GALNT16: variants seen among roughly 807,000 people sequenced by gnomAD.
GALNT16 encodes polypeptide N-acetylgalactosaminyltransferase 16.
In GALNT16, 40 loss-of-function variants were observed where a neutral mutation model predicts 76.1. The ratio of observed to expected loss-of-function variants is 0.53; its 90% CI spans 0.41 to 0.68. The LOEUF is 0.68. Ranked by LOEUF, GALNT16 falls within the 30% of genes least tolerant of loss-of-function variation. The probability of loss-of-function intolerance (pLI) is 0.00; values close to 1 mark genes in which losing one functional copy is unlikely to be tolerated. For synonymous variants in GALNT16, 276 were observed against 285.2 expected (o/e 0.97, Z 0.32); for missense variants, 621 against 731.9 (o/e 0.85, Z 1.75).
chr14:69,306,156 C>G (rs2044930231), intron 1 of GALNT16, among the ~76,000 whole-genome samples: 1 of 152,194 alleles, frequency 6.6e-6, no homozygotes, highest in African/African-American at 2.4e-5. Context: ...TGTTTGATGA[C>G]TGTAGCTTTG....
chr14:69,338,441 ATG>A (rs1344586297), intron 9 of GALNT16, among the ~76,000 whole-genome samples: 1 of 152,092 alleles, frequency 6.6e-6, no homozygotes, highest in African/African-American at 2.4e-5. Flanking sequence ...TCATGTGTAT[ATG>A]TGTGTGTGTG....
chr14:69,308,971 CT>C (rs2044977180), intron 1 of GALNT16, among the ~76,000 whole-genome samples: 1 of 152,144 alleles, frequency 6.6e-6, no homozygotes, highest in African/African-American at 2.4e-5. Context: ...GACATTATGT[CT>C]CATTTTAGTT....
At chr14:69,282,209 C>T (rs996405649) in intron 1 of GALNT16, among the ~76,000 whole-genome samples, 7 of 152,322 alleles carry the variant, frequency 4.6e-5, no homozygotes, top group African/African-American at 1.2e-4. Context: ...TTCCCTTGCC[C>T]GCTGCCTGTG....
At chr14:69,368,405 C>T in the GALNT16 span, among the ~76,000 whole-genome samples, 13 of 152,176 alleles carry the variant, frequency 8.5e-5, no homozygotes, top group Non-Finnish European at 1.5e-4. Context: ...CATCTCAAGG[C>T]TCAAGCAGGG....
At chr14:69,279,311 ATTAC>A (rs2044510718) in intron 1 of GALNT16, among the ~76,000 whole-genome samples, 1 of 152,210 alleles carries the variant, frequency 6.6e-6, no homozygotes, top group Non-Finnish European at 1.5e-5. Flanking sequence ...TCATTAAAAT[ATTAC>A]TTACCTTGAT....
downstream of GALNT16, among the ~76,000 whole-genome samples, chr14:69,361,497 A>T (rs1392709396): frequency 6.6e-6 from 1 of 152,166 alleles, no homozygotes; most frequent in Non-Finnish European, 1.5e-5. Flanking sequence ...ATCAGTCTGT[A>T]TATTCATAGA....
chr14:69,299,552 A>C (rs2044819473), intron 1 of GALNT16, among the ~76,000 whole-genome samples: 1 of 152,294 alleles, frequency 6.6e-6, no homozygotes, highest in South Asian at 2.1e-4. Flanking sequence ...AGTGCTGAGC[A>C]GTGTGCTGTG....
intron 1 of GALNT16, among the ~76,000 whole-genome samples, chr14:69,295,337 C>T (rs1160079534): frequency 1.3e-5 from 2 of 148,640 alleles, no homozygotes; most frequent in Non-Finnish European, 3.0e-5. Flanking sequence ...ATCGCTTGAG[C>T]CAGGGTGGTT....
intron 1 of GALNT16, among the ~76,000 whole-genome samples, chr14:69,265,002 A>G (rs1371241932): frequency 6.6e-6 from 1 of 151,742 alleles, no homozygotes; most frequent in Non-Finnish European, 1.5e-5. Flanking sequence ...TTTTGTAGAG[A>G]CAGGGTCTTT....
At chr14:69,320,627 C>T in intron 1 of GALNT16, 84 bp from the exon 2 acceptor site, 3 of 1,319,634 alleles carry the variant, frequency 2.3e-6, no homozygotes, top group East Asian at 4.7e-5. Flanking sequence ...ACGTGGCTGG[C>T]TCCCGCCTGG....
chr14:69,321,725 G>A (rs979377038), intron 2 of GALNT16, among the ~76,000 whole-genome samples: 6 of 152,034 alleles, frequency 3.9e-5, no homozygotes, highest in East Asian at 1.9e-4. Context: ...GGCTCACTTC[G>A]AGGACACTTG....
chr14:69,377,676 T>G, the GALNT16 span, among the ~76,000 whole-genome samples: 4 of 150,918 alleles, frequency 2.7e-5, no homozygotes, highest in Non-Finnish European at 4.4e-5. Context: ...CTGGCCATGG[T>G]GGTGTGCACC....
chr14:69,312,090 T>C (rs1278314311), intron 1 of GALNT16, among the ~76,000 whole-genome samples: 1 of 151,156 alleles, frequency 6.6e-6, no homozygotes, highest in Non-Finnish European at 1.5e-5. Context: ...TCTATCTATC[T>C]ATCTATCTAT....
At chr14:69,281,489 G>T (rs990171226) in intron 1 of GALNT16, among the ~76,000 whole-genome samples, 1 of 152,200 alleles carries the variant, frequency 6.6e-6, no homozygotes, top group African/African-American at 2.4e-5. Flanking sequence ...GGAAAAGGAT[G>T]AGAGGAAAAG....
At chr14:69,321,037 T>C (rs1189227162) in intron 2 of GALNT16, among the ~76,000 whole-genome samples, 169 bp downstream of exon 2, 1 of 152,252 alleles carries the variant, frequency 6.6e-6, no homozygotes. Context: ...TTACCTGGCC[T>C]ACTGAGGCCC....
chr14:69,304,656 A>G (rs973373162), intron 1 of GALNT16, among the ~76,000 whole-genome samples: 2 of 152,176 alleles, frequency 1.3e-5, no homozygotes, highest in Non-Finnish European at 2.9e-5. Flanking sequence ...TGAATCTGAC[A>G]TTTTGATGTC....
At chr14:69,271,028 CT>C (rs1026491185) in intron 1 of GALNT16, among the ~76,000 whole-genome samples, 1 of 152,014 alleles carries the variant, frequency 6.6e-6, no homozygotes, top group Admixed American at 6.5e-5. Context: ...GGCCAAAGCA[CT>C]TCTCCAAGTG....
At chr14:69,289,575 G>T (rs2044662664) in intron 1 of GALNT16, among the ~76,000 whole-genome samples, 3 of 152,118 alleles carry the variant, frequency 2.0e-5, no homozygotes, top group Non-Finnish European at 2.9e-5. Flanking sequence ...GGCCTACAAG[G>T]ACTGCCCTGG....
At chr14:69,305,870 T>C (rs1213338077) in intron 1 of GALNT16, among the ~76,000 whole-genome samples, 2 of 152,224 alleles carry the variant, frequency 1.3e-5, no homozygotes, top group South Asian at 4.1e-4. Context: ...TTTTCCCCTA[T>C]GTTTTCTTCT....
Sources: gnomAD v4.1 joint callset for allele counts (sites outside exome capture counted in the v4.1 genomes callset) on GRCh38, gnomAD v4.1.1 for gene constraint, MANE v1.5 for transcripts, NCBI Gene and HGNC (gene_info 2026-07-23, HGNC 2026-07-21) for gene names.